Variants in PEDS1 observed in about 807,000 individuals in gnomAD.
PEDS1 encodes the protein plasmanylethanolamine desaturase 1, also known as CarF homolog.
A neutral mutation model predicts 35.2 loss-of-function variants in PEDS1; 14 were observed. The observed-to-expected ratio is 0.40, with a 90% CI of 0.26 to 0.62. PEDS1 has a LOEUF of 0.62. PEDS1 is among the 20% of genes least tolerant of loss of function. The pLI is 0.44. For synonymous variants in PEDS1, 152 were observed against 152.0 expected, an observed-to-expected ratio of 1.00 and a Z score of 0.00; for missense variants, 260 against 367.8, an observed-to-expected ratio of 0.71 and a Z score of 2.40.
intron 2 of PEDS1, among the ~76,000 whole-genome samples, chr20:50,138,364 T>C (rs2081257431): frequency 6.6e-6 from 1 of 151,752 alleles, no homozygotes; most frequent in African/African-American, 2.4e-5. Context: ...AACCTTAGGG[T>C]TAGGGTTAGG....
rs1202722896 is a variant in PEDS1, at chr20:50,121,272, C to T, written c.*3786G>A. 6.6e-6 allele frequency: 1 copy of T among 152,292 alleles called. No homozygotes were observed. Among genetic ancestry groups the T allele is most frequent in the Non-Finnish European group, 1.5e-5 (1 of 68,086 alleles). The allele number at this position is 152,292 out of a possible 1,614,324, so 9.4% of individuals were successfully genotyped here. A position where few individuals can be genotyped will look rare whatever the true frequency, so the allele number is the denominator to read the frequency against. Reference sequence around the variant, plus strand: ...CCTTTCTCAGGCATGCTGCAGTTGCCTCATAGTGGACACATTTCTCACGTG... The same window carrying T: ...CCTTTCTCAGGCATGCTGCAGTTGCTTCATAGTGGACACATTTCTCACGTG... On this transcript the variant is annotated 3_prime_UTR_variant, in exon 6 of 6. Transcript: ENST00000371652.
At chr20:50,139,197 G>A (rs1044286481) in intron 2 of PEDS1, among the ~76,000 whole-genome samples, 1 of 152,104 alleles carries the variant, frequency 6.6e-6, no homozygotes, top group Non-Finnish European at 1.5e-5. Flanking sequence ...TGTGCCCTCT[G>A]CCCGGAAGGC....
At position 50,151,243 on chromosome 20, in the gene PEDS1, T is replaced by C. The variant is rs1280260077; in HGVS notation, c.121+2274A>G. Reference sequence around the variant, plus strand: ...GTCTGGAGGAGATAAAGGGCCTTGATTGCAGATTTGGGGCACCAGGCTGTC... The same window carrying C: ...GTCTGGAGGAGATAAAGGGCCTTGACTGCAGATTTGGGGCACCAGGCTGTC... On this transcript the variant is annotated intron_variant, in intron 1 of 5. Transcript: ENST00000371652. 4.6e-6 allele frequency: 6 copies of C among 1,304,292 alleles called. No individual in the cohort carries two copies. In the Admixed American group the frequency reaches 6.9e-5, roughly 15 times the overall value. 80.8% of individuals were successfully genotyped at this position (1,304,292 alleles called of 1,614,324 possible).
intron 1 of PEDS1, chr20:50,151,099 TCAGGCCCAGAG>T: frequency 2.1e-6 from 1 of 475,136 alleles, no homozygotes; most frequent in Non-Finnish European, 3.6e-6. Flanking sequence ...TCTCACTTTT[TCAGGCCCAGAG>T]AGGTCAAATA....
chr20:50,144,743 G>A (rs1400990450), intron 1 of PEDS1, among the ~76,000 whole-genome samples: 1 of 152,142 alleles, frequency 6.6e-6, no homozygotes, highest in South Asian at 2.1e-4. Flanking sequence ...ATAAGTGGAC[G>A]TGGAGAGATG....
At position 50,120,248 on chromosome 20, in the gene PEDS1, G is replaced by T; in HGVS notation, c.*4810C>A. The stretch of plus-strand genomic sequence containing the variant: ...CCACTGCACTCCAGCCTGGACAACA[G>T]AGCAAGACCCTGTCTCTAAAAAACA... On this transcript the variant is annotated 3_prime_UTR_variant, in exon 6 of 6. Coordinates refer to ENST00000371652, the MANE Select transcript of PEDS1 (RefSeq NM_199129.4). 1 of 208,946 alleles carries T rather than the reference G, an allele frequency of 4.8e-6. No individual in the cohort carries two copies. The highest frequency in any genetic ancestry group is 9.9e-6 in the Non-Finnish European group (1 of 100,976). 12.9% of individuals were successfully genotyped at this position (208,946 alleles called of 1,614,324 possible).
intron 5 of PEDS1, among the ~76,000 whole-genome samples, chr20:50,126,373 T>C (rs369123766): frequency 1.3e-5 from 2 of 152,320 alleles, no homozygotes; most frequent in African/African-American, 4.8e-5. Flanking sequence ...CCTAAGTAGT[T>C]AACCCATCTC....
intron 1 of PEDS1, among the ~76,000 whole-genome samples, chr20:50,144,797 C>T (rs184976723): frequency 9.1e-4 from 138 of 152,156 alleles, no homozygotes; most frequent in African/African-American, 3.2e-3. Context: ...TGCCAAATAG[C>T]AGCCATTTAT....
At chr20:50,133,098 G>A (rs896384396) in intron 2 of PEDS1, among the ~76,000 whole-genome samples, 3 of 152,184 alleles carry the variant, frequency 2.0e-5, no homozygotes, top group Admixed American at 6.5e-5. Flanking sequence ...GGTCTTGGGG[G>A]TACTGTGGAG....
In PEDS1 at chr20:50,128,386, C is replaced by G. The variant is rs973419061; in HGVS notation, c.479-199G>C. Among the ~76,000 whole-genome samples the G allele has an allele frequency of 6.6e-6, 1 of 152,152 alleles. No homozygotes were observed. The highest frequency in any genetic ancestry group is 1.9e-4 in the East Asian group (1 of 5,190). Reference sequence around the variant, plus strand: ...GCTTTCCTCCTGCTCAGGAAGCAGGCGTAATGGTGTAATAGGATAATGGCA... The same window carrying G: ...GCTTTCCTCCTGCTCAGGAAGCAGGGGTAATGGTGTAATAGGATAATGGCA... On this transcript the variant is annotated intron_variant, in intron 4 of 5. Coordinates refer to ENST00000371652, the MANE Select transcript of PEDS1 (RefSeq NM_199129.4). The surrounding 1 kb of genome is among the most constrained non-coding windows in gnomAD (Gnocchi z 5.2).
chr20:50,125,900 A>AT (rs1033894193), intron 5 of PEDS1, among the ~76,000 whole-genome samples: 18 of 152,012 alleles, frequency 1.2e-4, no homozygotes, highest in East Asian at 3.9e-4. Flanking sequence ...TCTATTTACA[A>AT]TTTTTTTAAT....
Position 50,153,514 on chromosome 20 carries a change from T to C in PEDS1, c.121+3A>G. 1.4e-6 allele frequency: 2 copies of C among 1,398,950 alleles called. No homozygotes were observed. The highest frequency in any genetic ancestry group is 1.9e-6 in the Non-Finnish European group (2 of 1,069,594). The allele number at this position is 1,398,950 out of a possible 1,614,324, so 86.7% of individuals were successfully genotyped here. A position where few individuals can be genotyped will look rare whatever the true frequency, so the allele number is the denominator to read the frequency against. On this transcript the variant is annotated splice_donor_region_variant and intron_variant, in intron 1 of 5. Coordinates refer to ENST00000371652, the MANE Select transcript of PEDS1 (RefSeq NM_199129.4). Reference sequence around the variant, plus strand: ...GGCCTGGAGGGGGGCCCAGAGGTCTTACCTGGCGAGTAGAGCGCAGCCAGC... The same window carrying C: ...GGCCTGGAGGGGGGCCCAGAGGTCTCACCTGGCGAGTAGAGCGCAGCCAGC...
At position 50,119,163 on chromosome 20, in the gene PEDS1, G is replaced by A. The variant is rs2081030687; in HGVS notation, c.*5895C>T. On this transcript the variant is annotated 3_prime_UTR_variant, in exon 6 of 6. Coordinates refer to ENST00000371652, the MANE Select transcript of PEDS1 (RefSeq NM_199129.4). The stretch of plus-strand genomic sequence containing the variant: ...TATCAAAATTTAAAACACACTCGTG[G>A]TTCAAGCCTGTAATCCCAGCAGTTT... The A allele has an allele frequency of 6.6e-6, 1 of 152,104 alleles. No homozygotes were observed. Among genetic ancestry groups the A allele is most frequent in the South Asian group, 2.1e-4 (1 of 4,830 alleles). 9.4% of individuals were successfully genotyped at this position (152,104 alleles called of 1,614,324 possible). A position where few individuals can be genotyped will look rare whatever the true frequency, so the allele number is the denominator to read the frequency against.
chr20:50,145,284 C>T (rs1012550592), intron 1 of PEDS1, among the ~76,000 whole-genome samples: 56 of 152,078 alleles, frequency 3.7e-4, no homozygotes, highest in Non-Finnish European at 8.8e-5. Flanking sequence ...AATCCAAGCA[C>T]CCTGGGAAGC....
chr20:50,152,859 G>A (rs930648106), intron 1 of PEDS1, among the ~76,000 whole-genome samples: 4 of 152,132 alleles, frequency 2.6e-5, no homozygotes, highest in African/African-American at 9.7e-5. Flanking sequence ...ACCACTGGAG[G>A]GTTGGGGAGA....
chr20:50,142,518 A>T (rs1327499415), intron 2 of PEDS1, among the ~76,000 whole-genome samples: 1 of 152,030 alleles, frequency 6.6e-6, no homozygotes, highest in Non-Finnish European at 1.5e-5. Context: ...GCTCACTGCA[A>T]CCTCCGCCTC....
intron 1 of PEDS1, among the ~76,000 whole-genome samples, chr20:50,147,817 G>T (rs891475339): frequency 2.0e-5 from 3 of 152,178 alleles, no homozygotes; most frequent in African/African-American, 7.2e-5. Context: ...CATTTTGGGA[G>T]GCCGAGGTGG....
rs984542330 is a variant in PEDS1 at position 50,122,415 on chromosome 20, T to A, written c.*2643A>T. The A allele has an allele frequency of 3.9e-5, 6 of 152,180 alleles. No homozygotes were observed. Among genetic ancestry groups the A allele is most frequent in the Non-Finnish European group, 7.3e-5 (5 of 68,040 alleles). The allele number at this position is 152,180 out of a possible 1,614,324, so 9.4% of individuals were successfully genotyped here. On this transcript the variant is annotated 3_prime_UTR_variant, in exon 6 of 6. Coordinates refer to ENST00000371652, the MANE Select transcript of PEDS1 (RefSeq NM_199129.4). ...TATGGGTCACGTTTTAAAAAATAAA[T>A]GTCATGGCTGGACGCAGTGGCTCAT...
At chr20:50,153,254 T>C (rs367673239) in intron 1 of PEDS1, among the ~76,000 whole-genome samples, 7 of 152,086 alleles carry the variant, frequency 4.6e-5, no homozygotes, top group East Asian at 1.9e-4. Context: ...GCGGGTCCGA[T>C]GGGAGCTCCG....
Sources: gnomAD v4.1 joint callset for allele counts (sites outside exome capture counted in the v4.1 genomes callset) on GRCh38, gnomAD v4.1.1 for gene constraint, Gnocchi (gnomAD v3.1) non-coding constraint, MANE v1.5 for transcripts, NCBI Gene and HGNC (gene_info 2026-07-23, HGNC 2026-07-21) for gene names.